MYH3: variants seen among roughly 807,000 people sequenced by gnomAD.
MYH3 encodes the protein myosin-3.
In MYH3, 130 loss-of-function variants were observed where a neutral mutation model predicts 238.0. That is an observed-to-expected ratio of 0.55 (90% CI 0.47 to 0.63). The LOEUF is 0.63. Ranked by LOEUF, MYH3 falls within the 30% of genes least tolerant of loss-of-function variation. The pLI, the probability that MYH3 is intolerant of heterozygous loss-of-function variation, is 0.00. For synonymous variants in MYH3, 880 were observed against 924.1 expected (o/e 0.95, Z 0.86); for missense variants, 1,853 against 2,374.9 (o/e 0.78, Z 4.57).
the MYH3 span, among the ~76,000 whole-genome samples, chr17:10,664,305 G>A: frequency 2.0e-5 from 3 of 152,040 alleles, no homozygotes; most frequent in African/African-American, 4.8e-5. Context: ...GATTAGCTAC[G>A]AATCCCAGAA....
chr17:10,667,291 T>C, the MYH3 span, among the ~76,000 whole-genome samples: 6 of 152,226 alleles, frequency 3.9e-5, no homozygotes, highest in Non-Finnish European at 8.8e-5. Context: ...GCACTGTTCA[T>C]AATAGTAAAA....
At chr17:10,678,396 C>T in the MYH3 span, 1 of 152,154 alleles carries the variant, frequency 6.6e-6, no homozygotes, top group Admixed American at 6.5e-5. Flanking sequence ...TGACTTCAAG[C>T]CTTTAAACTT....
intron 8 of MYH3, among the ~76,000 whole-genome samples, chr17:10,647,850 C>T (rs1159886301): frequency 6.6e-6 from 1 of 152,166 alleles, no homozygotes; most frequent in Non-Finnish European, 1.5e-5. Flanking sequence ...GCACCCCCTA[C>T]AGTTTGAAAT....
At chr17:10,646,938 C>A (rs2074327720) in intron 10 of MYH3, among the ~76,000 whole-genome samples, 1 of 152,142 alleles carries the variant, frequency 6.6e-6, no homozygotes, top group Non-Finnish European at 1.5e-5. Context: ...GTCGCAGCCA[C>A]TCGGGAGGCT....
chr17:10,635,078 A>G (rs1472559293), intron 30 of MYH3, 55 bp from the exon 31 acceptor site: 3 of 1,544,322 alleles, frequency 1.9e-6, no homozygotes, highest in African/African-American at 2.7e-5. Flanking sequence ...CCACTTGAAC[A>G]TCACTATTCA....
upstream of MYH3, chr17:10,658,940 A>C (rs751295447): frequency 6.6e-6 from 1 of 152,262 alleles, no homozygotes; most frequent in Non-Finnish European, 1.5e-5. Flanking sequence ...CGGACAGGTA[A>C]ATATCACCGA....
the MYH3 span, among the ~76,000 whole-genome samples, chr17:10,669,460 G>C: frequency 6.6e-6 from 1 of 151,908 alleles, no homozygotes; most frequent in Non-Finnish European, 1.5e-5. Flanking sequence ...GGCTGAGGCA[G>C]GAAGGCTGAG....
intron 14 of MYH3, 88 bp downstream of exon 14, chr17:10,644,263 C>T (rs1402322843): frequency 5.0e-6 from 7 of 1,392,532 alleles, no homozygotes; most frequent in East Asian, 4.6e-5. Flanking sequence ...CTAAGACAGC[C>T]GCCATCTTGC....
At chr17:10,629,266 G>A (rs1360879254) in intron 40 of MYH3, among the ~76,000 whole-genome samples, 3 of 152,132 alleles carry the variant, frequency 2.0e-5, no homozygotes, top group Non-Finnish European at 4.4e-5. Context: ...ACTAATGAGT[G>A]AGAACATGTG....
At chr17:10,666,129 C>T in the MYH3 span, among the ~76,000 whole-genome samples, 37 of 151,932 alleles carry the variant, frequency 2.4e-4, no homozygotes, top group African/African-American at 8.5e-4. Flanking sequence ...AAATGCAAAG[C>T]CAGGAAACAG....
rs144207113 is a variant in MYH3 at position 10,640,567 on chromosome 17, G to C, written c.2285C>G (p.Thr762Ser). 6.2e-6 allele frequency: 10 copies of C among 1,614,232 alleles called. No homozygotes were observed. Among genetic ancestry groups the C allele is most frequent in the African/African-American group, 1.3e-5 (1 of 75,052 alleles). The stretch of plus-strand genomic sequence containing the variant: ...CTGTCAGAACTGATGCATTACCTTG[G>C]TATGTCCAAATTTGTACTGAGTGTG... ...IDHTQYKFGH[T>S]KVFFKAGLLG... The change falls in exon 20 of 41, where the codon ACC becomes AGC. Residue 762 changes from threonine to serine, a missense_variant. Physicochemically the swap from Thr to Ser is moderately conservative, Grantham distance 58. Transcript: ENST00000583535.
In MYH3 at chr17:10,637,955, G is replaced by T; in HGVS notation, c.3730-20C>A. On this transcript the variant is annotated intron_variant, in intron 27 of 40. Transcript: ENST00000583535. ...ATTTGCCTGAAGGATTCAGAAAGGG[G>T]AGCAAAGTCAGTCAGCAAAGTCAGG... is the stretch of plus-strand genomic sequence containing the variant. The T allele has an allele frequency of 6.2e-7, 1 of 1,614,162 alleles. No homozygotes were observed. The highest frequency in any genetic ancestry group is 8.5e-7 in the Non-Finnish European group (1 of 1,180,042).
At chr17:10,637,996 A>T in intron 27 of MYH3, 47 bp downstream of exon 27, 1 of 1,614,056 alleles carries the variant, frequency 6.2e-7, no homozygotes, top group Non-Finnish European at 8.5e-7. Context: ...ATGACCACGG[A>T]GTGTGTCTGA....
chr17:10,653,974 G>T (rs377629415), intron 3 of MYH3, among the ~76,000 whole-genome samples: 24 of 151,664 alleles, frequency 1.6e-4, no homozygotes, highest in Non-Finnish European at 2.2e-4. Flanking sequence ...TTATTTTTTG[G>T]GGGGACCGAG....
chr17:10,653,016 C>T (rs578144454), intron 3 of MYH3, among the ~76,000 whole-genome samples: 3 of 152,160 alleles, frequency 2.0e-5, no homozygotes, highest in South Asian at 2.1e-4. Context: ...CAGCTCACAG[C>T]GAGAGGAGGA....
In MYH3 at chr17:10,630,281, C is replaced by T; in HGVS notation, c.5457+7G>A. ...CTCAGCGCAGGCGGGGTTCCTCCTG[C>T]ACACACCCTGGTCTCCAGTTTCTGG... On this transcript the variant is annotated splice_region_variant and intron_variant, in intron 37 of 40. Transcript: ENST00000583535. The T allele has an allele frequency of 1.2e-6, 2 of 1,611,064 alleles. No individual in the cohort carries two copies. The highest frequency in any genetic ancestry group is 2.2e-5 in the East Asian group (1 of 44,786).
rs765427072 is a variant in MYH3 at position 10,639,126 on chromosome 17, A to G, written c.3166T>C (p.Leu1056=). The change falls in exon 25 of 41, where the codon TTG becomes CTG. Residue 1056 remains leucine (L), a synonymous_variant. Coordinates refer to ENST00000583535, the MANE Select transcript of MYH3 (RefSeq NM_002470.4). ...RVDLERNKRK[L]EGDLKLAQES... ...TGAGCAAGCTTCAAGTCTCCTTCCAATTTCCTTTTGTTCCTTTCCAGGTCT... is the reference window on the plus strand; with the variant it reads ...TGAGCAAGCTTCAAGTCTCCTTCCAGTTTCCTTTTGTTCCTTTCCAGGTCT... 2 of 1,613,986 alleles carry G rather than the reference A, an allele frequency of 1.2e-6. No homozygotes were observed. Among genetic ancestry groups the G allele is most frequent in the Non-Finnish European group, 1.7e-6 (2 of 1,179,926 alleles).
intron 8 of MYH3, among the ~76,000 whole-genome samples, chr17:10,647,806 G>A (rs2074337936): frequency 6.6e-6 from 1 of 152,212 alleles, no homozygotes. Context: ...GCCTCCCAAA[G>A]TGCTGGGATT....
intron 14 of MYH3, among the ~76,000 whole-genome samples, chr17:10,643,438 C>T (rs1379012510): frequency 6.6e-6 from 1 of 151,788 alleles, no homozygotes; most frequent in East Asian, 1.9e-4. Context: ...TGCAATGGCA[C>T]CATCTCGGCT....
Sources: allele counts gnomAD v4.1 joint callset (sites outside exome capture counted in the v4.1 genomes callset), GRCh38; gene constraint gnomAD v4.1.1; transcripts MANE v1.5; gene names NCBI Gene and HGNC (gene_info 2026-07-23, HGNC 2026-07-21).